UGT1A10: variants seen among roughly 807,000 people sequenced by gnomAD.
UGT1A10 encodes UDP glucuronosyltransferase family 1 member A10.
Under a neutral mutation model 45.8 loss-of-function variants are expected in UGT1A10, and 49 were observed. The observed-to-expected ratio is 1.07, with a 90% CI of 0.85 to 1.36. The LOEUF is 1.36. UGT1A10 is among the 40% of genes most tolerant of loss of function. The pLI is 0.00. For synonymous variants in UGT1A10, 284 were observed against 249.7 expected (o/e 1.14, Z -1.29); for missense variants, 745 against 668.6 (o/e 1.11, Z -1.26).
At chr2:233,700,616 G>A (rs998410920) in intron 1 of UGT1A10, among the ~76,000 whole-genome samples, 7 of 151,898 alleles carry the variant, frequency 4.6e-5, no homozygotes, top group Non-Finnish European at 8.8e-5. Flanking sequence ...TTTTGGGGGG[G>A]TTCCAGTAAG....
intron 1 of UGT1A10, among the ~76,000 whole-genome samples, chr2:233,709,024 G>A (rs994653845): frequency 6.6e-6 from 1 of 152,068 alleles, no homozygotes; most frequent in Non-Finnish European, 1.5e-5. Flanking sequence ...CAAGCAGCAG[G>A]GGCTTCAGCC....
At chr2:233,682,873 A>T (rs1025684504) in intron 1 of UGT1A10, 1 of 1,521,660 alleles carries the variant, frequency 6.6e-7, no homozygotes, top group African/African-American at 1.4e-5. Flanking sequence ...ATAATTTATC[A>T]TTTACATTTG....
chr2:233,706,134 A>C (rs1160537015), intron 1 of UGT1A10, among the ~76,000 whole-genome samples: 3 of 152,196 alleles, frequency 2.0e-5, no homozygotes, highest in Non-Finnish European at 4.4e-5. Context: ...ACAGCAAAGT[A>C]TTAAACAAAG....
chr2:233,712,555 A>G (rs1157620157), intron 1 of UGT1A10, among the ~76,000 whole-genome samples: 1 of 152,212 alleles, frequency 6.6e-6, no homozygotes, highest in Admixed American at 6.5e-5. Context: ...AAGAGTATTA[A>G]GAGTTAGCAA....
intron 1 of UGT1A10, among the ~76,000 whole-genome samples, chr2:233,733,323 T>C (rs921178929): frequency 2.6e-5 from 4 of 152,220 alleles, no homozygotes; most frequent in African/African-American, 9.6e-5. Flanking sequence ...CTGATTGCCC[T>C]GGCCAGAACT....
intron 1 of UGT1A10, chr2:233,682,618 C>G (rs1215950110): frequency 2.5e-6 from 4 of 1,613,770 alleles, no homozygotes; most frequent in Non-Finnish European, 3.4e-6. Flanking sequence ...TCAAAAATGT[C>G]TTAGAAATAG....
chr2:233,764,974 G>A (rs1027319616), intron 1 of UGT1A10, among the ~76,000 whole-genome samples: 4 of 152,116 alleles, frequency 2.6e-5, no homozygotes, highest in African/African-American at 9.7e-5. Flanking sequence ...GAGAAGGATG[G>A]TCAGTGTCTG....
chr2:233,723,457 G>A (rs1279798549), intron 1 of UGT1A10, among the ~76,000 whole-genome samples: 3 of 136,216 alleles, frequency 2.2e-5, no homozygotes, highest in African/African-American at 5.8e-5. Context: ...TGATCCACCC[G>A]CCTCAGCCTC....
At chr2:233,669,049 T>C (rs1192567841) in intron 1 of UGT1A10, among the ~76,000 whole-genome samples, 4 of 152,348 alleles carry the variant, frequency 2.6e-5, no homozygotes, top group Non-Finnish European at 5.9e-5. Context: ...CACAAGGTAA[T>C]GTGTTTTCCC....
intron 1 of UGT1A10, among the ~76,000 whole-genome samples, chr2:233,688,055 C>T (rs1030509635): frequency 4.6e-5 from 7 of 152,218 alleles, no homozygotes; most frequent in Non-Finnish European, 7.3e-5. Context: ...TTCCTCACTC[C>T]AAAAAGAAAC....
intron 1 of UGT1A10, among the ~76,000 whole-genome samples, chr2:233,661,682 T>TCTTTCTTTCTTTC (rs1559329471): frequency 6.7e-6 from 1 of 150,254 alleles, no homozygotes; most frequent in African/African-American, 2.4e-5. Context: ...TTTCTTTCTT[T>TCTTTCTTTCTTTC]TTAAACAAAG....
intron 1 of UGT1A10, among the ~76,000 whole-genome samples, chr2:233,705,460 C>A (rs1045270048): frequency 6.6e-6 from 1 of 152,132 alleles, no homozygotes; most frequent in African/African-American, 2.4e-5. Flanking sequence ...TATTTTTTAG[C>A]AGACACACAT....
intron 1 of UGT1A10, chr2:233,713,686 C>T (rs779646185): frequency 1.2e-6 from 2 of 1,611,180 alleles, no homozygotes; most frequent in South Asian, 1.1e-5. Flanking sequence ...GCTCCTTATG[C>T]AAGCCTTGCC....
rs149243985 is a variant in UGT1A10, at chr2:233,751,326, T to A, written c.856-15708T>A. ...ATTTACCCAATTTCTGTACCCCCAT[T>A]GTGTCTTGGAAGTTACTTTTGATTT... On this transcript the variant is annotated intron_variant, in intron 1 of 4. Coordinates refer to ENST00000344644, the MANE Select transcript of UGT1A10 (RefSeq NM_019075.4). Among the ~76,000 whole-genome samples the A allele has an allele frequency of 2.6e-5, 4 of 152,018 alleles. No homozygotes were observed. The East Asian group carries it at 5.8e-4, about 22-fold the overall frequency.
At position 233,673,547 on chromosome 2, in the gene UGT1A10, T is replaced by C. The variant is rs371057259; in HGVS notation, c.855+36170T>C. 6.6e-5 allele frequency among the ~76,000 whole-genome samples: 10 copies of C among 152,272 alleles called. No individual in the cohort carries two copies. The East Asian group carries it at 1.9e-3, about 29-fold the overall frequency. On this transcript the variant is annotated intron_variant, in intron 1 of 4. Coordinates refer to ENST00000344644, the MANE Select transcript of UGT1A10 (RefSeq NM_019075.4). ...CAGGATTTCCATGAATTGAGAAGGA[T>C]TGGCATTTTTTTGCTATTGTGTCTT...
chr2:233,717,244 T>C (rs3806594), intron 1 of UGT1A10, among the ~76,000 whole-genome samples: 15,396 of 152,020 alleles, frequency 0.1, 884 homozygotes, highest in East Asian at 0.2. Flanking sequence ...ATGCAGACAG[T>C]TTTAAGGGGG....
At chr2:233,695,012 T>C (rs1343178534) in intron 1 of UGT1A10, among the ~76,000 whole-genome samples, 2 of 152,232 alleles carry the variant, frequency 1.3e-5, no homozygotes, top group African/African-American at 4.8e-5. Context: ...TTTCTAGCTA[T>C]TTTGAACTGC....
chr2:233,656,426 C>G (rs2073854475), intron 1 of UGT1A10, among the ~76,000 whole-genome samples: 1 of 152,202 alleles, frequency 6.6e-6, no homozygotes, highest in South Asian at 2.1e-4. Context: ...GAATGGACGT[C>G]AGTTAGTCAG....
chr2:233,772,426 A>C lies in UGT1A10; in HGVS notation c.1460A>C (p.Asp487Ala), dbSNP rs1300515739. The C allele has an allele frequency of 1.2e-5, 20 of 1,614,062 alleles. No individual in the cohort carries two copies. Among genetic ancestry groups the C allele is most frequent in the Non-Finnish European group, 1.7e-5 (20 of 1,180,044 alleles). Reference sequence around the variant, plus strand: ...ACCTGGTACCAGTACCATTCCTTGGACGTGATTGGTTTCCTCTTGGCCGTC... The same window carrying C: ...ACCTGGTACCAGTACCATTCCTTGGCCGTGATTGGTTTCCTCTTGGCCGTC... Reference protein sequence around the residue: ...DLTWYQYHSLDVIGFLLAVVL... With the variant: ...DLTWYQYHSLAVIGFLLAVVL... Residue 487 changes from aspartate (D) to alanine (A), a missense_variant, in exon 5 of 5, where the codon GAC becomes GCC. Coordinates refer to ENST00000344644, the MANE Select transcript of UGT1A10 (RefSeq NM_019075.4).
Sources: allele counts gnomAD v4.1 joint callset (sites outside exome capture counted in the v4.1 genomes callset), GRCh38; gene constraint gnomAD v4.1.1; transcripts MANE v1.5; gene names NCBI Gene and HGNC (gene_info 2026-07-23, HGNC 2026-07-21).